Variants in NIPAL3 observed in about 807,000 individuals in gnomAD.
NIPAL3 encodes NIPA-like protein 3.
NIPAL3 carries 41 observed loss-of-function variants against 47.2 expected under a neutral mutation model. That is an observed-to-expected ratio of 0.87 (90% CI 0.68 to 1.13). The LOEUF is 1.13. Ranked by LOEUF, NIPAL3 falls within the 50% of genes most tolerant of loss-of-function variation. The pLI, the probability that NIPAL3 is intolerant of heterozygous loss-of-function variation, is 0.00. For missense variants in NIPAL3, 449 were observed against 530.1 expected (o/e 0.85, Z 1.50); for synonymous variants, 194 against 209.6 (o/e 0.93, Z 0.64).
chr1:24,458,890 T>G lies in NIPAL3; in HGVS notation c.776T>G (p.Phe259Cys). The G allele has an allele frequency of 3.1e-6, 5 of 1,614,070 alleles. No individual in the cohort carries two copies. Among genetic ancestry groups the G allele is most frequent in the Non-Finnish European group, 4.2e-6 (5 of 1,179,910 alleles). The change falls in exon 9 of 12, where the codon TTT (phenylalanine) becomes TGT (cysteine). Residue 259 changes from phenylalanine (F) to cysteine (C), a missense_variant and splice_region_variant. Phe to Cys is a radical substitution (Grantham distance 205). Transcript: ENST00000374399. ...MVATAVYQAA[F>C]LSQASQMYDS... ...ACTGGAGTGCTTTTGTGTTGAAGGTTTTTGAGTCAAGCCTCACAGATGTAC... is the reference window on the plus strand; with the variant it reads ...ACTGGAGTGCTTTTGTGTTGAAGGTGTTTGAGTCAAGCCTCACAGATGTAC...
intron 2 of NIPAL3, among the ~76,000 whole-genome samples, chr1:24,435,935 G>A (rs2148792316): frequency 6.6e-6 from 1 of 152,342 alleles, no homozygotes; most frequent in South Asian, 2.1e-4. Context: ...GGCCCCAGCA[G>A]ATTGGGTGTC....
chr1:24,447,482 A>G (rs1003025301), intron 5 of NIPAL3, among the ~76,000 whole-genome samples: 1 of 152,136 alleles, frequency 6.6e-6, no homozygotes, highest in Non-Finnish European at 1.5e-5. Context: ...AAGTTTGGGG[A>G]CCACTCTGAA....
rs184326276 is a variant in NIPAL3, at chr1:24,423,638, A to G, written c.93+3998A>G. ...GATCGAGACTCCGCCTCACACACAC[A>G]CACAAAAAAGGCATATCATGCTGCA... On this transcript the variant is annotated intron_variant, in intron 2 of 11. Transcript: ENST00000374399. Among the ~76,000 whole-genome samples, 69 of 152,226 alleles carry G rather than the reference A, an allele frequency of 4.5e-4. No individual in the cohort carries two copies. The Middle Eastern group carries it at 0.01, about 23-fold the overall frequency.
chr1:24,435,723 G>T (rs1339398960), intron 2 of NIPAL3, among the ~76,000 whole-genome samples: 1 of 152,218 alleles, frequency 6.6e-6, no homozygotes, highest in Non-Finnish European at 1.5e-5. Context: ...TAGCCTCTCT[G>T]TGTGGTCTCC....
chr1:24,452,607 C>G (rs1001375285), intron 6 of NIPAL3, among the ~76,000 whole-genome samples: 2 of 152,212 alleles, frequency 1.3e-5, no homozygotes, highest in African/African-American at 2.4e-5. Context: ...GACCTAAGTT[C>G]CAGCCCAGGT....
intron 2 of NIPAL3, among the ~76,000 whole-genome samples, chr1:24,437,499 A>T (rs1012716848): frequency 1.3e-5 from 2 of 152,186 alleles, no homozygotes; most frequent in African/African-American, 2.4e-5. Flanking sequence ...CTTTCCACAA[A>T]GTGCTGATTC....
chr1:24,424,383 C>T (rs886831817), intron 2 of NIPAL3, among the ~76,000 whole-genome samples: 3 of 152,086 alleles, frequency 2.0e-5, no homozygotes, highest in Non-Finnish European at 4.4e-5. Flanking sequence ...AAGCACCTAA[C>T]ACAGTGTCTG....
intron 2 of NIPAL3, among the ~76,000 whole-genome samples, chr1:24,436,150 G>A (rs543898394): frequency 5.2e-4 from 79 of 152,186 alleles, no homozygotes; most frequent in African/African-American, 1.9e-3. Flanking sequence ...TAAACTTAGG[G>A]GGCAGCGGGC....
intron 2 of NIPAL3, among the ~76,000 whole-genome samples, chr1:24,438,007 A>C (rs2148797801): frequency 6.6e-6 from 1 of 152,328 alleles, no homozygotes; most frequent in African/African-American, 2.4e-5. Context: ...TGAGTTAGAC[A>C]AGGAGAAACT....
intron 11 of NIPAL3, chr1:24,465,151 T>C (rs1646642265): frequency 6.6e-6 from 1 of 152,176 alleles, no homozygotes; most frequent in South Asian, 2.1e-4. Context: ...AAAATCAAAA[T>C]GAAGGAGCTC....
upstream of NIPAL3, chr1:24,413,668 TC>T (rs2148723420): frequency 6.6e-6 from 1 of 152,286 alleles, no homozygotes; most frequent in South Asian, 2.1e-4. Flanking sequence ...CGGAACTGCT[TC>T]CTACCTGGTC....
In NIPAL3 at chr1:24,424,484, C is replaced by T. The variant is rs72882407; in HGVS notation, c.93+4844C>T. Among the ~76,000 whole-genome samples the T allele has an allele frequency of 6.4e-3, 968 of 152,154 alleles. 10 individuals carry two copies. Among genetic ancestry groups the T allele is most frequent in the African/African-American group, 0.021 (889 of 41,508 alleles). On this transcript the variant is annotated intron_variant, in intron 2 of 11. Coordinates refer to ENST00000374399, the MANE Select transcript of NIPAL3 (RefSeq NM_020448.5). ...ATGAAGGTACACAGAGTAGAGGGGA[C>T]GGTGTGGTTAATTCTGCGTGGGGAT...
chr1:24,445,158 C>T (rs750759371), intron 4 of NIPAL3, 27 bp from the exon 5 acceptor site: 2 of 1,573,510 alleles, frequency 1.3e-6, no homozygotes, highest in East Asian at 4.5e-5. Flanking sequence ...AGCCTCAATT[C>T]CCTTTTCTTT....
chr1:24,461,701 T>A (rs558969225), intron 10 of NIPAL3, among the ~76,000 whole-genome samples: 154 of 151,152 alleles, frequency 1.0e-3, no homozygotes, highest in African/African-American at 3.7e-3. Flanking sequence ...ACCCCGTCTG[T>A]ACTAAAAATA....
chr1:24,436,614 G>A (rs1346565806), intron 2 of NIPAL3, among the ~76,000 whole-genome samples: 1 of 151,696 alleles, frequency 6.6e-6, no homozygotes, highest in Non-Finnish European at 1.5e-5. Context: ...TCGGCCTCCT[G>A]AGTAGCTGGG....
chr1:24,443,873 C>T (rs1042428494), intron 4 of NIPAL3, among the ~76,000 whole-genome samples: 1 of 152,166 alleles, frequency 6.6e-6, no homozygotes, highest in South Asian at 2.1e-4. Flanking sequence ...TGTGATCATA[C>T]CTGTAGCCTT....
chr1:24,447,156 G>A (rs1040357088), intron 5 of NIPAL3, among the ~76,000 whole-genome samples: 5 of 152,220 alleles, frequency 3.3e-5, no homozygotes, highest in African/African-American at 1.2e-4. Flanking sequence ...CCCAAGCTCT[G>A]TCCTCAGAGA....
intron 11 of NIPAL3, chr1:24,464,786 C>T (rs2148862641): frequency 6.6e-6 from 1 of 152,318 alleles, no homozygotes; most frequent in South Asian, 2.1e-4. Flanking sequence ...TTAGCTTTCA[C>T]ACTTAACTCA....
intron 7 of NIPAL3, chr1:24,453,945 T>C: frequency 2.3e-6 from 1 of 431,232 alleles, no homozygotes; most frequent in South Asian, 1.7e-5. Context: ...TGTCATCTAT[T>C]TTTTCTTTTC....
Sources: allele counts gnomAD v4.1 joint callset (sites outside exome capture counted in the v4.1 genomes callset), GRCh38; gene constraint gnomAD v4.1.1; transcripts MANE v1.5; gene names NCBI Gene and HGNC (gene_info 2026-07-23, HGNC 2026-07-21).